Variants in MYO1B observed in about 807,000 individuals in gnomAD.
MYO1B encodes myosin IB, also known as unconventional myosin-Ib.
A neutral mutation model predicts 159.7 loss-of-function variants in MYO1B; 72 were observed. The ratio of observed to expected loss-of-function variants is 0.45; its 90% CI spans 0.37 to 0.55. The LOEUF (loss-of-function observed/expected upper bound fraction) is 0.55. Ranked by LOEUF, MYO1B falls within the 20% of genes least tolerant of loss-of-function variation. The probability of loss-of-function intolerance (pLI) is 0.00; values close to 1 mark genes in which losing one functional copy is unlikely to be tolerated. For missense variants in MYO1B, 1,062 were observed against 1,364.8 expected, an observed-to-expected ratio of 0.78 and a Z score of 3.50; for synonymous variants, 468 against 473.8, an observed-to-expected ratio of 0.99 and a Z score of 0.16.
chr2:191,259,449 G>T (rs1686663981), intron 1 of MYO1B, among the ~76,000 whole-genome samples: 1 of 152,124 alleles, frequency 6.6e-6, no homozygotes, highest in African/African-American at 2.4e-5. Context: ...TTTAAAATGT[G>T]ATCATAATCA....
chr2:191,395,997 C>G (rs1296238792), intron 20 of MYO1B, among the ~76,000 whole-genome samples: 1 of 152,120 alleles, frequency 6.6e-6, no homozygotes, highest in Non-Finnish European at 1.5e-5. Flanking sequence ...GTAAAAGTAG[C>G]AAACCTAAAA....
chr2:191,273,807 C>A (rs56328712), intron 1 of MYO1B, among the ~76,000 whole-genome samples: 2 of 151,720 alleles, frequency 1.3e-5, no homozygotes, highest in Non-Finnish European at 2.9e-5. Context: ...TTAATTCTCC[C>A]TAGAGCCCCA....
rs1371511868 is a variant in MYO1B, at chr2:191,408,112, A to C, written c.2557-3A>C. 2 of 1,607,014 alleles carry C rather than the reference A, an allele frequency of 1.2e-6. No individual in the cohort carries two copies. Among genetic ancestry groups the C allele is most frequent in the Non-Finnish European group, 1.7e-6 (2 of 1,173,952 alleles). On this transcript the variant is annotated splice_region_variant and splice_polypyrimidine_tract_variant and intron_variant, in intron 24 of 30. Transcript: ENST00000392318. Reference sequence around the variant, plus strand: ...CACTGTAACCTACATCTTCTTTTTAAAGGTACGTAGAGAATACAGGAAATT... The same window carrying C: ...CACTGTAACCTACATCTTCTTTTTACAGGTACGTAGAGAATACAGGAAATT...
At chr2:191,416,026 A>G (rs1337239362) in intron 29 of MYO1B, 89 bp from the exon 30 acceptor site, 2 of 1,352,472 alleles carry the variant, frequency 1.5e-6, no homozygotes, top group Non-Finnish European at 1.0e-6. Context: ...TGTTTTAAAG[A>G]GACTGTAAGT....
chr2:191,335,558 G>A (rs1195755748), intron 4 of MYO1B, among the ~76,000 whole-genome samples: 2 of 152,132 alleles, frequency 1.3e-5, no homozygotes, highest in Non-Finnish European at 2.9e-5. Flanking sequence ...AGGCCATTTT[G>A]AAATGTCATA....
chr2:191,312,457 C>T (rs969646504), intron 3 of MYO1B, among the ~76,000 whole-genome samples: 2 of 152,212 alleles, frequency 1.3e-5, no homozygotes, highest in African/African-American at 2.4e-5. Flanking sequence ...CCATATTGTG[C>T]ATTCTGTCAC....
intron 2 of MYO1B, among the ~76,000 whole-genome samples, chr2:191,293,470 T>G (rs4853572): frequency 0.27 from 41,647 of 152,124 alleles, 7,290 homozygotes; most frequent in Non-Finnish European, 0.37. Context: ...ATTTAAAAAG[T>G]AAAGGAATAA....
intron 30 of MYO1B, among the ~76,000 whole-genome samples, chr2:191,419,514 G>A (rs1157436642): frequency 3.3e-5 from 5 of 152,302 alleles, no homozygotes; most frequent in Admixed American, 1.3e-4. Context: ...CACCACGCCC[G>A]GCCTATACTG....
In MYO1B at chr2:191,350,207, G is replaced by C; in HGVS notation, c.544G>C (p.Gly182Arg). 1 of 1,612,534 alleles carries C rather than the reference G, an allele frequency of 6.2e-7. No individual in the cohort carries two copies. The highest frequency in any genetic ancestry group is 8.5e-7 in the Non-Finnish European group (1 of 1,178,946). ...IEFDFKGDPLGGVISNYLLEK... is the reference protein window; with the variant it reads ...IEFDFKGDPLRGVISNYLLEK... The stretch of plus-strand genomic sequence containing the variant: ...ATTTGACTTTAAAGGCGATCCACTA[G>C]GAGGAGTAATAAGTAACTGTGAGTA... Residue 182 changes from glycine (G) to arginine (R), a missense_variant, in exon 7 of 31, where the codon GGA (glycine) becomes CGA (arginine). Physicochemically the swap from Gly to Arg is moderately radical, Grantham distance 125. This residue lies in a region of MYO1B where 415 missense variants were observed against 544.0 expected (regional missense o/e 0.76). Coordinates refer to ENST00000392318, the MANE Select transcript of MYO1B (RefSeq NM_001130158.3).
Position 191,298,890 on chromosome 2 carries a change from G to A in MYO1B, c.251+2664G>A, listed in dbSNP as rs944793037. 5.3e-5 allele frequency among the ~76,000 whole-genome samples: 8 copies of A among 152,226 alleles called. No homozygotes were observed. The East Asian group carries it at 1.5e-3, about 29-fold the overall frequency. The stretch of plus-strand genomic sequence containing the variant: ...TTAACATTGGTTGCCCCTCTTAGCT[G>A]GAAATGGGCTTGCCATTTTCATGAC... On this transcript the variant is annotated intron_variant, in intron 3 of 30. Transcript: ENST00000392318.
intron 11 of MYO1B, 78 bp from the exon 12 acceptor site, chr2:191,369,464 A>G (rs947802009): frequency 3.4e-5 from 36 of 1,066,096 alleles, no homozygotes; most frequent in Non-Finnish European, 4.3e-5. Context: ...TATTTTTTAA[A>G]AGTATCTTTA....
chr2:191,269,778 A>G (rs1687349455), intron 1 of MYO1B, among the ~76,000 whole-genome samples: 1 of 152,226 alleles, frequency 6.6e-6, no homozygotes, highest in African/African-American at 2.4e-5. Flanking sequence ...AGTGAGCTTA[A>G]TCAAGGTGAT....
At chr2:191,300,655 T>TTTTTTTTTTTTTTTC (rs61260117) in intron 3 of MYO1B, among the ~76,000 whole-genome samples, 2 of 145,136 alleles carry the variant, frequency 1.4e-5, no homozygotes, top group African/African-American at 5.1e-5. Flanking sequence ...TTTTTTTTTT[T>TTTTTTTTTTTTTTTC]AAGAGATGAG....
chr2:191,364,313 A>G (rs750417422), intron 11 of MYO1B, 37 bp downstream of exon 11: 10 of 1,497,122 alleles, frequency 6.7e-6, no homozygotes, highest in Non-Finnish European at 6.5e-6. Context: ...AAGTTTCTTA[A>G]AAGTCTGTGC....
chr2:191,355,885 C>T (rs1450457477), intron 7 of MYO1B, among the ~76,000 whole-genome samples: 1 of 152,158 alleles, frequency 6.6e-6, no homozygotes, highest in Non-Finnish European at 1.5e-5. Context: ...GAACAGATTA[C>T]TCTGGATTGC....
At chr2:191,417,569 T>A (rs1291899579) in intron 30 of MYO1B, among the ~76,000 whole-genome samples, 1 of 152,182 alleles carries the variant, frequency 6.6e-6, no homozygotes, top group African/African-American at 2.4e-5. Flanking sequence ...CGAAGCAGTC[T>A]CATAGTTGTC....
At chr2:191,321,479 G>A (rs1403071244) in intron 3 of MYO1B, among the ~76,000 whole-genome samples, 1 of 152,174 alleles carries the variant, frequency 6.6e-6, no homozygotes, top group African/African-American at 2.4e-5. Context: ...TTTAAAAAGA[G>A]TTGGGTATTA....
At position 191,363,841 on chromosome 2, in the gene MYO1B, T is replaced by C; in HGVS notation, c.879T>C (p.Asn293=). The stretch of plus-strand genomic sequence containing the variant: ...AGTTCAAGCCCGAATCTCGAGTGAA[T>C]GGTCTAGATGAAAGCAAAATCAAAG... ...NIEFKPESRV[N]GLDESKIKDK... is the part of the protein sequence containing the mutation. Residue 293 remains asparagine (N), a synonymous_variant, in exon 10 of 31, where the codon AAT becomes AAC. Transcript: ENST00000392318. The C allele has an allele frequency of 6.2e-7, 1 of 1,613,720 alleles. No homozygotes were observed. The highest frequency in any genetic ancestry group is 8.5e-7 in the Non-Finnish European group (1 of 1,179,898).
chr2:191,378,971 A>G (rs1694882844), intron 13 of MYO1B, among the ~76,000 whole-genome samples: 1 of 152,180 alleles, frequency 6.6e-6, no homozygotes, highest in South Asian at 2.1e-4. Context: ...GAAGCTTTAA[A>G]GCTTCAGGCA....
Sources: gnomAD v4.1 joint callset for allele counts (sites outside exome capture counted in the v4.1 genomes callset) on GRCh38, gnomAD v4.1.1 for gene constraint, gnomAD v4.1.1 regional missense constraint, MANE v1.5 for transcripts, NCBI Gene and HGNC (gene_info 2026-07-23, HGNC 2026-07-21) for gene names.